Variants in APOLD1 observed in about 807,000 individuals in gnomAD.
APOLD1 encodes apolipoprotein L domain containing 1, also known as apolipoprotein L domain-containing protein 1.
A neutral mutation model predicts 15.3 loss-of-function variants in APOLD1; 22 were observed. The observed-to-expected ratio is 1.44, with a 90% CI of 1.03 to 2.05. The LOEUF (loss-of-function observed/expected upper bound fraction) is 2.05. Among genes scored for constraint, APOLD1 ranks in the 30% most tolerant of loss-of-function variants. The pLI, the probability that APOLD1 is intolerant of heterozygous loss-of-function variation, is 0.00. For missense variants in APOLD1, 394 were observed against 353.5 expected (o/e 1.11, Z -0.92); for synonymous variants, 190 against 167.4 (o/e 1.13, Z -1.04).
chr12:12,773,456 G>A (rs1208923560), intron 1 of APOLD1, among the ~76,000 whole-genome samples: 2 of 152,056 alleles, frequency 1.3e-5, no homozygotes, highest in Non-Finnish European at 2.9e-5. Flanking sequence ...CAGCTACCTA[G>A]GAGGCTGAAG....
intron 1 of APOLD1, among the ~76,000 whole-genome samples, chr12:12,737,087 T>A (rs954785693): frequency 6.6e-6 from 1 of 152,242 alleles, no homozygotes; most frequent in Non-Finnish European, 1.5e-5. Flanking sequence ...TTGCTTCAAG[T>A]AGCTCAGCAT....
upstream of APOLD1, among the ~76,000 whole-genome samples, chr12:12,783,419 TC>T (rs1227975166): frequency 6.6e-6 from 1 of 151,904 alleles, no homozygotes; most frequent in Non-Finnish European, 1.5e-5. Flanking sequence ...CAAGTGATCC[TC>T]CTGCCTCAGT....
At chr12:12,778,398 C>T (rs1399131531) in intron 1 of APOLD1, among the ~76,000 whole-genome samples, 2 of 151,668 alleles carry the variant, frequency 1.3e-5, no homozygotes, top group Non-Finnish European at 2.9e-5. Flanking sequence ...TGGCTCACTG[C>T]AGCCTCGCCC....
chr12:12,776,151 C>A (rs1947032266), intron 1 of APOLD1, among the ~76,000 whole-genome samples: 1 of 151,990 alleles, frequency 6.6e-6, no homozygotes, highest in Non-Finnish European at 1.5e-5. Flanking sequence ...CGACTGAATT[C>A]TACTAAAAAT....
rs994146895 is a variant in APOLD1 at position 12,746,044 on chromosome 12, C to T, written c.96+19948C>T. On this transcript the variant is annotated intron_variant, in intron 1 of 1. Transcript: ENST00000326765. The stretch of plus-strand genomic sequence containing the variant: ...TGCCATGTGGTGTCATCTGGCAGCT[C>T]CGTGATCACTCAGGAAATTAATTTT... Among the ~76,000 whole-genome samples, 3 of 152,074 alleles carry T rather than the reference C, an allele frequency of 2.0e-5. 1 individual carries two copies. Among genetic ancestry groups the T allele is most frequent in the African/African-American group, 7.3e-5 (3 of 41,336 alleles).
chr12:12,791,296 G>A lies in APOLD1; in HGVS notation c.*3644G>A, dbSNP rs1044355666. The A allele has an allele frequency of 9.9e-5, 15 of 152,154 alleles. No homozygotes were observed. Among genetic ancestry groups the A allele is most frequent in the Admixed American group, 2.0e-4 (3 of 15,254 alleles). 9.4% of individuals were successfully genotyped at this position (152,154 alleles called of 1,614,324 possible). A position where few individuals can be genotyped will look rare whatever the true frequency, so the allele number is the denominator to read the frequency against. On this transcript the variant is annotated 3_prime_UTR_variant, in exon 2 of 2. Transcript: ENST00000356591. The stretch of plus-strand genomic sequence containing the variant: ...CAGACATGTCAAGCAATCAGCCAAC[G>A]TGGTGTATTTCTCATTCAATATTTT...
At position 12,743,086 on chromosome 12, in the gene APOLD1, G is replaced by A. The variant is rs565598784; in HGVS notation, c.96+16990G>A. Among the ~76,000 whole-genome samples the A allele has an allele frequency of 9.8e-5, 15 of 152,356 alleles. No individual in the cohort carries two copies. The South Asian group carries it at 1.7e-3, about 17-fold the overall frequency. ...AGCTTTATCTTCGTTAATCTTGGTT[G>A]AGCTGGTTTCCCACTTCCTATATCA... is the stretch of plus-strand genomic sequence containing the variant. On this transcript the variant is annotated intron_variant, in intron 1 of 1. Transcript: ENST00000326765.
chr12:12,728,389 G>A (rs1946610601), intron 1 of APOLD1, among the ~76,000 whole-genome samples: 2 of 152,070 alleles, frequency 1.3e-5, no homozygotes, highest in Non-Finnish European at 2.9e-5. Context: ...CTGGAGGCCG[G>A]ACACATTGGC....
chr12:12,762,750 G>T lies in APOLD1; in HGVS notation c.97-24159G>T, dbSNP rs534472626. 1.4e-4 allele frequency among the ~76,000 whole-genome samples: 21 copies of T among 152,258 alleles called. No homozygotes were observed. The South Asian group carries it at 4.4e-3, about 32-fold the overall frequency. On this transcript the variant is annotated intron_variant, in intron 1 of 1. Transcript: ENST00000326765. ...GAACCCACTCGGAAACATTTGGCATGGGAGCCTGAGTAAAGTGGTCCACTG... is the reference window on the plus strand; with the variant it reads ...GAACCCACTCGGAAACATTTGGCATTGGAGCCTGAGTAAAGTGGTCCACTG...
intron 1 of APOLD1, chr12:12,764,840 C>A: frequency 4.1e-6 from 1 of 243,680 alleles, no homozygotes; most frequent in Non-Finnish European, 9.4e-6. Context: ...ATAGAATAAA[C>A]TCTGCTGGGC....
intron 1 of APOLD1, among the ~76,000 whole-genome samples, chr12:12,745,409 A>G (rs1946758053): frequency 6.6e-6 from 1 of 152,082 alleles, no homozygotes; most frequent in Non-Finnish European, 1.5e-5. Flanking sequence ...AGGTGCTTGT[A>G]ATCCTAGCTA....
chr12:12,752,922 G>A (rs949457225), intron 1 of APOLD1, among the ~76,000 whole-genome samples: 1 of 152,130 alleles, frequency 6.6e-6, no homozygotes, highest in Non-Finnish European at 1.5e-5. Context: ...ATAGTGATGA[G>A]TGGTATCTAT....
chr12:12,785,770 TG>T (rs1433553472), intron 1 of APOLD1, 76 bp downstream of exon 1: 2 of 1,423,380 alleles, frequency 1.4e-6, no homozygotes, highest in African/African-American at 2.8e-5. Flanking sequence ...AAATTATCCC[TG>T]GTGGGTTGGA....
At chr12:12,773,422 G>A (rs796387944) in intron 1 of APOLD1, among the ~76,000 whole-genome samples, 4 of 152,174 alleles carry the variant, frequency 2.6e-5, no homozygotes, top group African/African-American at 9.6e-5. Flanking sequence ...AATTAACCAG[G>A]CATGATGGTG....
rs982049011 is a variant in APOLD1 at position 12,787,865 on chromosome 12, T to G, written c.*213T>G. ...CTTGAGTGCTACGGACTTTTCAGTC[T>G]TCCTAGTGGAAAAATGTGACCCAAA... On this transcript the variant is annotated 3_prime_UTR_variant, in exon 2 of 2. Transcript: ENST00000356591. The surrounding 1 kb of genome is among the most constrained non-coding windows in gnomAD (Gnocchi z 4.9). 32 of 626,328 alleles carry G rather than the reference T, an allele frequency of 5.1e-5. No homozygotes were observed. The highest frequency in any genetic ancestry group is 4.1e-4 in the Middle Eastern group (1 of 2,432). 38.8% of individuals were successfully genotyped at this position (626,328 alleles called of 1,614,324 possible). A position where few individuals can be genotyped will look rare whatever the true frequency, so the allele number is the denominator to read the frequency against.
At chr12:12,727,225 C>T (rs1012316362) in intron 1 of APOLD1, among the ~76,000 whole-genome samples, 1 of 151,522 alleles carries the variant, frequency 6.6e-6, no homozygotes, top group Non-Finnish European at 1.5e-5. Flanking sequence ...ATGAGATAAA[C>T]ACCACGTTTC....
chr12:12,769,227 T>TAA (rs35276279), intron 1 of APOLD1, among the ~76,000 whole-genome samples: 17 of 61,762 alleles, frequency 2.8e-4, no homozygotes, highest in East Asian at 1.0e-3. Context: ...GACCTCCAGC[T>TAA]AAAAAAAAAA....
In APOLD1 at chr12:12,787,024, A is replaced by T; in HGVS notation, c.119A>T (p.Glu40Val). ...CACGGCCAGGTGCTGCGCCTGCGCG[A>T]GGTGGCCCGGCGCCTGGAGCGCCTG... is the stretch of plus-strand genomic sequence containing the variant. ...RLHGQVLRLR[E>V]VARRLERLRR... The change falls in exon 2 of 2, where the codon GAG (glutamate) becomes GTG (valine). Residue 40 changes from glutamate (E) to valine (V), a missense_variant. Transcript: ENST00000356591. This position sits in a 1 kb window ranked among gnomAD's most constrained non-coding sequence, Gnocchi z 4.9. 1 of 1,382,074 alleles carries T rather than the reference A, an allele frequency of 7.2e-7. No individual in the cohort carries two copies. The allele number at this position is 1,382,074 out of a possible 1,614,324, so 85.6% of individuals were successfully genotyped here.
At chr12:12,770,794 A>AC (rs397687260) in intron 1 of APOLD1, among the ~76,000 whole-genome samples, 4 of 150,812 alleles carry the variant, frequency 2.7e-5, no homozygotes, top group African/African-American at 7.3e-5. Flanking sequence ...AAAAAAAAAA[A>AC]CTCTACACCT....
Sources: gnomAD v4.1 joint callset for allele counts (sites outside exome capture counted in the v4.1 genomes callset) on GRCh38, gnomAD v4.1.1 for gene constraint, Gnocchi (gnomAD v3.1) non-coding constraint, MANE v1.5 for transcripts, NCBI Gene and HGNC (gene_info 2026-07-23, HGNC 2026-07-21) for gene names.